COL28A1: variants seen among roughly 807,000 people sequenced by gnomAD.
The protein encoded by COL28A1 is collagen type XXVIII alpha 1 chain.
In COL28A1, 161 loss-of-function variants were observed where a neutral mutation model predicts 150.2. That is an observed-to-expected ratio of 1.07 (90% CI 0.94 to 1.22). The LOEUF is 1.22. Ranked by LOEUF, COL28A1 falls within the 50% of genes most tolerant of loss-of-function variation. The pLI, the probability that COL28A1 is intolerant of heterozygous loss-of-function variation, is 0.00. For missense variants in COL28A1, 1,617 were observed against 1,388.3 expected (o/e 1.16, Z -2.62); for synonymous variants, 552 against 469.7 (o/e 1.18, Z -2.26).
chr7:7,451,464 T>G (rs1786687145), intron 18 of COL28A1, among the ~76,000 whole-genome samples: 1 of 152,122 alleles, frequency 6.6e-6, no homozygotes, highest in Non-Finnish European at 1.5e-5. Context: ...GACCTTGTGA[T>G]CCACCCGCCT....
intron 27 of COL28A1, among the ~76,000 whole-genome samples, chr7:7,392,939 G>T (rs538421954): frequency 3.3e-5 from 5 of 152,166 alleles, no homozygotes; most frequent in African/African-American, 1.2e-4. Context: ...TTAGCTCAGA[G>T]GAGTTTGGTA....
chr7:7,373,292 C>G lies in COL28A1; in HGVS notation c.2614G>C (p.Gly872Arg). Residue 872 changes from glycine to arginine, a missense_variant, in exon 32 of 35, where the codon GGG (glycine) becomes CGG (arginine). Physicochemically the swap from Gly to Arg is moderately radical, Grantham distance 125. Transcript: ENST00000399429. The surrounding 1 kb of genome is among the most constrained non-coding windows in gnomAD (Gnocchi z 4.1). ...GCAGTGGCTGTGTATGTGCCTTCCCCCAGATACTGCATGTTGTCCACAGCC... is the reference window on the plus strand; with the variant it reads ...GCAGTGGCTGTGTATGTGCCTTCCCGCAGATACTGCATGTTGTCCACAGCC... ...KLAVDNMQYL[G>R]EGTYTATALQ... 3 of 1,614,174 alleles carry G rather than the reference C, an allele frequency of 1.9e-6. No individual in the cohort carries two copies. Among genetic ancestry groups the G allele is most frequent in the Non-Finnish European group, 2.5e-6 (3 of 1,180,030 alleles).
chr7:7,487,874 T>A (rs1410854061), intron 13 of COL28A1, among the ~76,000 whole-genome samples: 1 of 152,148 alleles, frequency 6.6e-6, no homozygotes, highest in Non-Finnish European at 1.5e-5. Context: ...GGAACACTCC[T>A]GCTTGGATTC....
intron 15 of COL28A1, among the ~76,000 whole-genome samples, chr7:7,463,226 C>CT (rs1233225804): frequency 2.0e-5 from 3 of 152,074 alleles, no homozygotes; most frequent in Non-Finnish European, 4.4e-5. Flanking sequence ...CCCAGGAACA[C>CT]TGTCATCAGG....
At chr7:7,363,683 T>C (rs1284284252) in intron 33 of COL28A1, among the ~76,000 whole-genome samples, 4 of 152,196 alleles carry the variant, frequency 2.6e-5, no homozygotes, top group African/African-American at 9.7e-5. Flanking sequence ...ATTTTTTTGT[T>C]GTTGTTGTTG....
intron 15 of COL28A1, among the ~76,000 whole-genome samples, chr7:7,459,203 G>A (rs1304763493): frequency 1.3e-5 from 2 of 152,194 alleles, no homozygotes; most frequent in Non-Finnish European, 2.9e-5. Flanking sequence ...ACCTGAAAAA[G>A]TTAATTTACT....
chr7:7,444,546 C>T (rs1282720876), intron 18 of COL28A1, 57 bp from the exon 19 acceptor site: 6 of 1,498,766 alleles, frequency 4.0e-6, no homozygotes, highest in Non-Finnish European at 9.3e-7. Context: ...TTCTGAGGTA[C>T]TTGCAATTGG....
chr7:7,495,155 C>G (rs894906434), intron 11 of COL28A1, among the ~76,000 whole-genome samples: 3 of 152,120 alleles, frequency 2.0e-5, no homozygotes, highest in Non-Finnish European at 4.4e-5. Context: ...ATAAATTTTA[C>G]TTAATAAATA....
the COL28A1 span, among the ~76,000 whole-genome samples, chr7:7,345,721 T>A: frequency 7.2e-5 from 11 of 152,096 alleles, no homozygotes; most frequent in African/African-American, 2.7e-4. Flanking sequence ...TAATCACATT[T>A]GTTGGTCCCC....
At chr7:7,499,709 A>T (rs1028213102) in intron 11 of COL28A1, among the ~76,000 whole-genome samples, 3 of 152,202 alleles carry the variant, frequency 2.0e-5, no homozygotes, top group African/African-American at 7.2e-5. Flanking sequence ...TTGAGGAGAA[A>T]GTTTAAAATT....
At chr7:7,396,820 T>C (rs1782859490) in intron 27 of COL28A1, among the ~76,000 whole-genome samples, 1 of 152,182 alleles carries the variant, frequency 6.6e-6, no homozygotes, top group Non-Finnish European at 1.5e-5. Context: ...AGAGAAATAG[T>C]TGACCTTTTA....
At chr7:7,429,288 T>G (rs1421361845) in intron 25 of COL28A1, among the ~76,000 whole-genome samples, 1 of 152,196 alleles carries the variant, frequency 6.6e-6, no homozygotes, top group Non-Finnish European at 1.5e-5. Flanking sequence ...GGTCCTGTGC[T>G]TCCGCTGCCA....
intron 13 of COL28A1, among the ~76,000 whole-genome samples, chr7:7,483,602 C>T (rs572144060): frequency 1.2e-3 from 178 of 152,104 alleles, no homozygotes; most frequent in Non-Finnish European, 2.3e-3. Flanking sequence ...CTCTCAAATC[C>T]TAAGAATGCT....
At chr7:7,382,038 G>A (rs868172587) in intron 27 of COL28A1, among the ~76,000 whole-genome samples, 3 of 152,090 alleles carry the variant, frequency 2.0e-5, no homozygotes, top group Admixed American at 6.5e-5. Context: ...GGCTGGGCAC[G>A]GTGGCTCATG....
chr7:7,477,158 A>T lies in COL28A1; in HGVS notation c.1187T>A (p.Val396Glu). Reference sequence around the variant, plus strand: ...TCCGGGTAAGCCCCTCTCTCCTGGTACTCCCTCAGGACCACGGGGACCCTG... The same window carrying T: ...TCCGGGTAAGCCCCTCTCTCCTGGTTCTCCCTCAGGACCACGGGGACCCTG... ...GQPGPRGPEG[V>E]PGERGLPGEG... Residue 396 changes from valine to glutamate, a missense_variant, in exon 14 of 35, where the codon GTA becomes GAA. Physicochemically the swap from Val to Glu is moderately radical, Grantham distance 121 (BLOSUM62 -2). Transcript: ENST00000399429. The T allele has an allele frequency of 1.5e-6, 2 of 1,325,292 alleles. No individual in the cohort carries two copies. The highest frequency in any genetic ancestry group is 2.2e-6 in the Non-Finnish European group (2 of 916,108). 82.1% of individuals were successfully genotyped at this position (1,325,292 alleles called of 1,614,324 possible). A position where few individuals can be genotyped will look rare whatever the true frequency, so the allele number is the denominator to read the frequency against.
intron 3 of COL28A1, among the ~76,000 whole-genome samples, chr7:7,530,038 A>G (rs1241835585): frequency 6.6e-6 from 1 of 152,170 alleles, no homozygotes; most frequent in Non-Finnish European, 1.5e-5. Context: ...GTAACTTTGG[A>G]GGAGGGCTGC....
At chr7:7,402,175 G>A (rs1168081761) in intron 27 of COL28A1, among the ~76,000 whole-genome samples, 1 of 152,170 alleles carries the variant, frequency 6.6e-6, no homozygotes, top group Non-Finnish European at 1.5e-5. Flanking sequence ...AAACTGTTTT[G>A]CACATTGACT....
intron 27 of COL28A1, among the ~76,000 whole-genome samples, chr7:7,409,232 A>G (rs570128544): frequency 6.6e-6 from 1 of 152,296 alleles, no homozygotes; most frequent in Admixed American, 6.5e-5. Flanking sequence ...AAAGGATAAA[A>G]TGCCTTTTAT....
rs1017558499 is a variant in COL28A1 at position 7,464,757 on chromosome 7, G to C, written c.1303-8645C>G. Among the ~76,000 whole-genome samples the C allele has an allele frequency of 5.9e-5, 9 of 152,064 alleles. No individual in the cohort carries two copies. The South Asian group carries it at 8.3e-4, about 14-fold the overall frequency. Reference sequence around the variant, plus strand: ...TTTAAGGTCACACCTCAAGGAACTAGAGAAACAAGAACAAACCAAACCCAA... The same window carrying C: ...TTTAAGGTCACACCTCAAGGAACTACAGAAACAAGAACAAACCAAACCCAA... On this transcript the variant is annotated intron_variant, in intron 15 of 34. Transcript: ENST00000399429.
Sources: gnomAD v4.1 joint callset for allele counts (sites outside exome capture counted in the v4.1 genomes callset) on GRCh38, gnomAD v4.1.1 for gene constraint, Gnocchi (gnomAD v3.1) non-coding constraint, MANE v1.5 for transcripts, NCBI Gene and HGNC (gene_info 2026-07-23, HGNC 2026-07-21) for gene names.